The following SLC25A18 variants were observed in gnomAD, a reference collection of about 807,000 sequenced individuals.
The protein encoded by SLC25A18 is solute carrier family 25 member 18, also known as mitochondrial glutamate carrier 2.
A neutral mutation model predicts 31.1 loss-of-function variants in SLC25A18; 24 were observed. That is an observed-to-expected ratio of 0.77 (90% CI 0.56 to 1.08). SLC25A18 has a LOEUF of 1.08. Among genes scored for constraint, SLC25A18 ranks in the 50% least tolerant of loss-of-function variants. SLC25A18 has a pLI of 0.00. For missense variants in SLC25A18, 371 were observed against 418.5 expected, an observed-to-expected ratio of 0.89 and a Z score of 0.99; for synonymous variants, 173 against 161.9, an observed-to-expected ratio of 1.07 and a Z score of -0.52.
intron 5 of SLC25A18, chr22:17,581,683 C>T (rs1029304903): frequency 4.1e-6 from 2 of 486,256 alleles, no homozygotes; most frequent in South Asian, 5.5e-5. Context: ...TGGCTAGAAG[C>T]GAAGAGAGAG....
chr22:17,573,632 C>T (rs778511227), intron 2 of SLC25A18, among the ~76,000 whole-genome samples: 33 of 152,188 alleles, frequency 2.2e-4, no homozygotes, highest in Middle Eastern at 6.8e-3. Context: ...AGAGAGTTCC[C>T]GAAGCCCCAC....
In SLC25A18 at chr22:17,587,177, A is replaced by G. The variant is rs138505808; in HGVS notation, c.451A>G (p.Arg151Gly). Reference protein sequence around the residue: ...QGSASAPSTSRSYTTGSASTH... With the variant: ...QGSASAPSTSGSYTTGSASTH... ...CTCGGCCTCAGCACCCTCCACCTCC[A>G]GGTCCTACACAACTGGTTCGGCTTC... Residue 151 changes from arginine (R) to glycine (G), a missense_variant, in exon 8 of 11, where the codon AGG (arginine) becomes GGG (glycine). Transcript: ENST00000327451. The G allele has an allele frequency of 4.7e-5, 76 of 1,614,066 alleles. No homozygotes were observed. The African/African-American group carries it at 8.1e-4, about 17-fold the overall frequency.
chr22:17,573,221 G>A (rs2146219979), intron 2 of SLC25A18, among the ~76,000 whole-genome samples: 1 of 152,308 alleles, frequency 6.6e-6, no homozygotes, highest in Non-Finnish European at 1.5e-5. Flanking sequence ...ATTCCTGTTA[G>A]CTCATTATTT....
At chr22:17,564,949 T>C (rs1020552606) in intron 1 of SLC25A18, among the ~76,000 whole-genome samples, 3 of 152,054 alleles carry the variant, frequency 2.0e-5, no homozygotes, top group Non-Finnish European at 2.9e-5. Context: ...GGTGTGCACC[T>C]GTGATCCCAG....
intron 1 of SLC25A18, among the ~76,000 whole-genome samples, chr22:17,566,800 C>G (rs1287720675): frequency 6.6e-6 from 1 of 152,170 alleles, no homozygotes; most frequent in Non-Finnish European, 1.5e-5. Flanking sequence ...CCTGAACTGT[C>G]CCGTCGGGTC....
intron 5 of SLC25A18, 108 bp downstream of exon 5, chr22:17,581,521 G>C: frequency 2.3e-6 from 3 of 1,280,860 alleles, no homozygotes; most frequent in Non-Finnish European, 3.3e-6. Flanking sequence ...GGGCTGCCAG[G>C]GGGTCCTTCC....
chr22:17,590,494 A>G lies in SLC25A18; in HGVS notation c.*258A>G. 1 of 387,274 alleles carries G rather than the reference A, an allele frequency of 2.6e-6. No homozygotes were observed. The highest frequency in any genetic ancestry group is 4.7e-6 in the Non-Finnish European group (1 of 214,900). The allele number at this position is 387,274 out of a possible 1,614,324, so 24.0% of individuals were successfully genotyped here. A position where few individuals can be genotyped will look rare whatever the true frequency, so the allele number is the denominator to read the frequency against. On this transcript the variant is annotated 3_prime_UTR_variant, in exon 11 of 11. Transcript: ENST00000327451. ...GAAGCCCCTAACCACCTACTTTTCA[A>G]CAAAAATGGTACTTTCGTTGTATTA...
At chr22:17,566,139 G>A (rs545839705) in intron 1 of SLC25A18, among the ~76,000 whole-genome samples, 4 of 152,152 alleles carry the variant, frequency 2.6e-5, no homozygotes, top group African/African-American at 2.4e-5. Context: ...GGTGTGACAC[G>A]GCACTGCACC....
chr22:17,569,058 G>T (rs1338589999), intron 1 of SLC25A18, among the ~76,000 whole-genome samples: 3 of 150,614 alleles, frequency 2.0e-5, no homozygotes, highest in Non-Finnish European at 4.4e-5. Flanking sequence ...AGCCAGGCTG[G>T]AGGGCAGTGG....
intron 2 of SLC25A18, among the ~76,000 whole-genome samples, chr22:17,570,891 G>A (rs887570653): frequency 2.6e-5 from 4 of 152,244 alleles, no homozygotes; most frequent in Non-Finnish European, 5.9e-5. Flanking sequence ...TGGGTTAACA[G>A]GAGAGGGCTC....
chr22:17,589,545 G>GAT (rs775272479), intron 9 of SLC25A18, 45 bp from the exon 10 acceptor site: 86 of 1,570,372 alleles, frequency 5.5e-5, no homozygotes, highest in Non-Finnish European at 7.2e-5. Flanking sequence ...GGAGGACACC[G>GAT]AAAGTAAGCT....
At chr22:17,575,136 G>C (rs556249244) in intron 2 of SLC25A18, among the ~76,000 whole-genome samples, 11 of 152,092 alleles carry the variant, frequency 7.2e-5, no homozygotes, top group Non-Finnish European at 1.6e-4. Flanking sequence ...ACAGGTGTGA[G>C]CCACTGTGCC....
At chr22:17,583,564 C>T in intron 7 of SLC25A18, 30 bp downstream of exon 7, 1 of 1,608,514 alleles carries the variant, frequency 6.2e-7, no homozygotes. Flanking sequence ...CCTATGGGAA[C>T]AGTAAAGGGC....
At chr22:17,582,108 C>T (rs1013056957) in intron 5 of SLC25A18, 14 of 153,924 alleles carry the variant, frequency 9.1e-5, no homozygotes, top group Non-Finnish European at 2.0e-4. Flanking sequence ...CGCGGTGGCT[C>T]ACGCCTGTAA....
chr22:17,588,342 C>T, intron 9 of SLC25A18: 1 of 394,442 alleles, frequency 2.5e-6, no homozygotes, highest in Non-Finnish European at 4.5e-6. Context: ...TAAATTATTG[C>T]TGATGTGTTA....
intron 2 of SLC25A18, among the ~76,000 whole-genome samples, chr22:17,572,030 C>A (rs1327421985): frequency 7.5e-5 from 11 of 146,040 alleles, no homozygotes; most frequent in Non-Finnish European, 1.1e-4. Flanking sequence ...AAAAAAAAAA[C>A]AAAAAACTTT....
At chr22:17,568,178 C>CA (rs1463209614) in intron 1 of SLC25A18, among the ~76,000 whole-genome samples, 1 of 151,924 alleles carries the variant, frequency 6.6e-6, no homozygotes, top group Non-Finnish European at 1.5e-5. Context: ...TCCTGGCTAA[C>CA]ATGGTGAAAC....
intron 7 of SLC25A18, among the ~76,000 whole-genome samples, chr22:17,584,422 A>AGAAGGAAGGAAGGAAG (rs1555951457): frequency 1.8e-4 from 24 of 134,056 alleles, no homozygotes; most frequent in African/African-American, 7.5e-4. Context: ...AAAGAAAGAA[A>AGAAGGAAGGAAGGAAG]GAAGGAAGGA....
At chr22:17,584,426 G>GAAAGAAAGAAAGAAA (rs59024396) in intron 7 of SLC25A18, among the ~76,000 whole-genome samples, 23 of 96,144 alleles carry the variant, frequency 2.4e-4, no homozygotes, top group African/African-American at 1.0e-3. Flanking sequence ...AAAGAAAGAA[G>GAAAGAAAGAAAGAAA]GAAGGAAGGA....
Sources: gnomAD v4.1 joint callset for allele counts (sites outside exome capture counted in the v4.1 genomes callset) on GRCh38, gnomAD v4.1.1 for gene constraint, MANE v1.5 for transcripts, NCBI Gene and HGNC (gene_info 2026-07-23, HGNC 2026-07-21) for gene names.